Variants in MGAT4C observed in about 807,000 individuals in gnomAD.
The protein encoded by MGAT4C is alpha-1,3-mannosyl-glycoprotein 4-beta-N-acetylglucosaminyltransferase C.
In MGAT4C, 19 loss-of-function variants were observed where a neutral mutation model predicts 40.1. That is an observed-to-expected ratio of 0.47 (90% CI 0.33 to 0.70). The LOEUF (loss-of-function observed/expected upper bound fraction) is 0.70, where lower values mean the gene tolerates loss of function less well. Ranked by LOEUF, MGAT4C falls within the 30% of genes least tolerant of loss-of-function variation. The pLI is 0.02. For missense variants in MGAT4C, 491 were observed against 563.2 expected (o/e 0.87, Z 1.30); for synonymous variants, 181 against 187.1 (o/e 0.97, Z 0.27).
chr12:86,284,996 A>G (rs779329319), intron 4 of MGAT4C, among the ~76,000 whole-genome samples: 3 of 152,164 alleles, frequency 2.0e-5, no homozygotes, highest in East Asian at 3.9e-4. Context: ...AAACAAATTC[A>G]TATTTCATTT....
chr12:86,519,555 C>G (rs1318635717), intron 2 of MGAT4C, among the ~76,000 whole-genome samples: 2 of 152,054 alleles, frequency 1.3e-5, no homozygotes, highest in Non-Finnish European at 2.9e-5. Flanking sequence ...CTACATCCTT[C>G]CCAGCATCTG....
intron 2 of MGAT4C, among the ~76,000 whole-genome samples, chr12:86,020,098 C>A (rs560543615): frequency 1.1e-4 from 16 of 152,068 alleles, no homozygotes; most frequent in Non-Finnish European, 2.2e-4. Context: ...TGGGCTGAGA[C>A]GATGGGGTTT....
At chr12:86,601,923 C>T (rs10745429) in intron 2 of MGAT4C, among the ~76,000 whole-genome samples, 134,099 of 152,128 alleles carry the variant, frequency 0.88, 59,798 homozygotes, top group South Asian at 0.97. Flanking sequence ...GCTGTAATAC[C>T]CTCTTTGGGG....
At chr12:86,489,005 C>T (rs539764262) in intron 2 of MGAT4C, among the ~76,000 whole-genome samples, 1 of 152,180 alleles carries the variant, frequency 6.6e-6, no homozygotes, top group East Asian at 1.9e-4. Context: ...CCCTGTGTGC[C>T]CACTCTAACC....
chr12:86,004,397 C>G (rs1211722494), intron 2 of MGAT4C, among the ~76,000 whole-genome samples: 2 of 152,048 alleles, frequency 1.3e-5, no homozygotes, highest in Non-Finnish European at 2.9e-5. Context: ...GCCAAATTAT[C>G]TTGTCATTTG....
At chr12:86,364,030 A>T (rs1011770338) in intron 3 of MGAT4C, among the ~76,000 whole-genome samples, 1 of 151,828 alleles carries the variant, frequency 6.6e-6, no homozygotes, top group Non-Finnish European at 1.5e-5. Flanking sequence ...GATATCTTCA[A>T]TGGTCCTCTA....
intron 1 of MGAT4C, among the ~76,000 whole-genome samples, chr12:86,102,614 G>T (rs774596104): frequency 6.6e-6 from 1 of 151,986 alleles, no homozygotes; most frequent in Non-Finnish European, 1.5e-5. Context: ...TGGTTTAATA[G>T]CTGAAAAGAG....
At chr12:86,423,263 T>A (rs1565751810) in intron 3 of MGAT4C, among the ~76,000 whole-genome samples, 4 of 151,996 alleles carry the variant, frequency 2.6e-5, no homozygotes, top group Non-Finnish European at 4.4e-5. Flanking sequence ...GTGCATTAAA[T>A]AAAACACTAT....
At chr12:86,618,263 A>G (rs781473305) in intron 2 of MGAT4C, among the ~76,000 whole-genome samples, 1 of 152,228 alleles carries the variant, frequency 6.6e-6, no homozygotes, top group Non-Finnish European at 1.5e-5. Flanking sequence ...GGAAAATAGT[A>G]TGGCGATTTC....
At chr12:86,513,639 A>T (rs1174313025) in intron 2 of MGAT4C, among the ~76,000 whole-genome samples, 1 of 152,180 alleles carries the variant, frequency 6.6e-6, no homozygotes, top group African/African-American at 2.4e-5. Flanking sequence ...AAAAAAATGA[A>T]CCTAGGGTGG....
At chr12:86,837,677 T>C (rs960042898) in intron 1 of MGAT4C, among the ~76,000 whole-genome samples, 2 of 152,122 alleles carry the variant, frequency 1.3e-5, no homozygotes, top group African/African-American at 4.8e-5. Flanking sequence ...TCATTGAGCC[T>C]ATTCACACAA....
chr12:86,009,576 C>T (rs1482915954), intron 2 of MGAT4C, among the ~76,000 whole-genome samples: 4 of 152,296 alleles, frequency 2.6e-5, no homozygotes, highest in African/African-American at 9.6e-5. Context: ...AAAATGACCT[C>T]ATTTCCCACC....
chr12:86,117,972 GA>G (rs991535768), intron 1 of MGAT4C, among the ~76,000 whole-genome samples: 7 of 151,836 alleles, frequency 4.6e-5, no homozygotes, highest in Non-Finnish European at 7.4e-5. Context: ...TGCATAACTA[GA>G]AAAAAATCAC....
chr12:86,028,392 G>A (rs187438267), intron 2 of MGAT4C, among the ~76,000 whole-genome samples: 2 of 151,950 alleles, frequency 1.3e-5, no homozygotes, highest in East Asian at 3.9e-4. Context: ...TCTCCTATAG[G>A]TAAGAAGTGA....
chr12:86,494,598 A>G (rs941394004), intron 2 of MGAT4C, among the ~76,000 whole-genome samples: 1 of 151,702 alleles, frequency 6.6e-6, no homozygotes, highest in Non-Finnish European at 1.5e-5. Context: ...GATGCAAGAA[A>G]CCCCACAAAC....
chr12:86,277,680 C>A (rs1187509527), intron 4 of MGAT4C, among the ~76,000 whole-genome samples: 1 of 152,072 alleles, frequency 6.6e-6, no homozygotes, highest in Non-Finnish European at 1.5e-5. Flanking sequence ...GTTCTTGGCA[C>A]CTTTGTTGAA....
chr12:86,317,162 C>G (rs1298153616), intron 4 of MGAT4C, among the ~76,000 whole-genome samples: 1 of 152,016 alleles, frequency 6.6e-6, no homozygotes, highest in East Asian at 1.9e-4. Flanking sequence ...TATAGTCAAT[C>G]TATTCACAAA....
chr12:86,301,013 A>T (rs1953796401), intron 4 of MGAT4C, among the ~76,000 whole-genome samples: 1 of 152,192 alleles, frequency 6.6e-6, no homozygotes, highest in South Asian at 2.1e-4. Context: ...ACTCAAATTC[A>T]ATCTCGTGGG....
In MGAT4C at chr12:85,976,623, A is replaced by G. The variant is rs1025023658; in HGVS notation, c.*2666T>C. On this transcript the variant is annotated 3_prime_UTR_variant, in exon 5 of 5. Transcript: ENST00000611864. ...TTCATGTCTCATGCCAGTCTTTTTC[A>G]ATTGTTATTTTTAACAAAGAAAATT... 4.7e-5 allele frequency: 7 copies of G among 147,828 alleles called. No homozygotes were observed. Among genetic ancestry groups the G allele is most frequent in the African/African-American group, 1.7e-4 (7 of 40,828 alleles). 9.2% of individuals were successfully genotyped at this position (147,828 alleles called of 1,614,324 possible).
Sources: allele counts gnomAD v4.1 joint callset (sites outside exome capture counted in the v4.1 genomes callset), GRCh38; gene constraint gnomAD v4.1.1; transcripts MANE v1.5; gene names NCBI Gene and HGNC (gene_info 2026-07-23, HGNC 2026-07-21).